Variants in SLC13A3 observed in about 807,000 individuals in gnomAD.
The protein encoded by SLC13A3 is Na(+)/dicarboxylate cotransporter 3.
SLC13A3 carries 40 observed loss-of-function variants against 59.0 expected under a neutral mutation model. The observed-to-expected ratio is 0.68, with a 90% CI of 0.53 to 0.88. The LOEUF (loss-of-function observed/expected upper bound fraction) is 0.88, where lower values mean the gene tolerates loss of function less well. Ranked by LOEUF, SLC13A3 falls within the 40% of genes least tolerant of loss-of-function variation. The pLI, the probability that SLC13A3 is intolerant of heterozygous loss-of-function variation, is 0.00. For synonymous variants in SLC13A3, 317 were observed against 330.3 expected (o/e 0.96, Z 0.44); for missense variants, 699 against 783.2 (o/e 0.89, Z 1.28).
At chr20:46,610,718 A>T (rs2062486372) in intron 2 of SLC13A3, 109 bp from the exon 3 acceptor site, 2 of 918,468 alleles carry the variant, frequency 2.2e-6, no homozygotes, top group Admixed American at 5.6e-5. Flanking sequence ...TTACAGATGG[A>T]AACTTGAGAC....
intron 1 of SLC13A3, among the ~76,000 whole-genome samples, chr20:46,640,052 C>T (rs528067716): frequency 5.8e-4 from 88 of 152,344 alleles, no homozygotes; most frequent in African/African-American, 2.1e-3. Flanking sequence ...TAAAAAAGCT[C>T]ACAAGCATAT....
At chr20:46,638,438 C>T (rs1478844808) in intron 1 of SLC13A3, among the ~76,000 whole-genome samples, 2 of 152,186 alleles carry the variant, frequency 1.3e-5, no homozygotes, top group Non-Finnish European at 2.9e-5. Context: ...CCGTGGGCGG[C>T]GGCGAACAAG....
At chr20:46,608,461 A>G (rs922813806) in intron 3 of SLC13A3, among the ~76,000 whole-genome samples, 19 of 152,230 alleles carry the variant, frequency 1.2e-4, no homozygotes, top group African/African-American at 4.3e-4. Flanking sequence ...AATCCATGCT[A>G]TAAAGCTTCT....
At chr20:46,599,924 C>T in intron 4 of SLC13A3, 47 bp downstream of exon 4, 1 of 1,389,598 alleles carries the variant, frequency 7.2e-7, no homozygotes, top group Non-Finnish European at 9.8e-7. Flanking sequence ...TTCATCATCT[C>T]CTTGAATCAA....
At chr20:46,627,342 G>A (rs749632721) in intron 1 of SLC13A3, among the ~76,000 whole-genome samples, 1 of 152,236 alleles carries the variant, frequency 6.6e-6, no homozygotes, top group Non-Finnish European at 1.5e-5. Flanking sequence ...TTTTAGCAGG[G>A]GATAAAAGTT....
chr20:46,675,317 C>T (rs915267830), intron 1 of SLC13A3, among the ~76,000 whole-genome samples: 1 of 151,830 alleles, frequency 6.6e-6, no homozygotes, highest in Non-Finnish European at 1.5e-5. Context: ...GCAACCTCTG[C>T]CTCCCAGGTT....
chr20:46,632,358 G>C (rs1002022657), intron 1 of SLC13A3, among the ~76,000 whole-genome samples: 1 of 152,130 alleles, frequency 6.6e-6, no homozygotes, highest in Admixed American at 6.5e-5. Flanking sequence ...GACTGGTGTC[G>C]CTTCCTCACT....
At chr20:46,637,714 G>A (rs574824734) in intron 1 of SLC13A3, among the ~76,000 whole-genome samples, 3 of 152,256 alleles carry the variant, frequency 2.0e-5, no homozygotes, top group African/African-American at 4.8e-5. Context: ...AGTTAGGCCC[G>A]ATCAGTATTT....
At chr20:46,631,053 A>G (rs983359399) in intron 1 of SLC13A3, among the ~76,000 whole-genome samples, 2 of 152,242 alleles carry the variant, frequency 1.3e-5, no homozygotes, top group African/African-American at 4.8e-5. Context: ...GATCAATTTC[A>G]TAAAGCTGGG....
At chr20:46,648,647 G>C (rs1257060739) in intron 1 of SLC13A3, among the ~76,000 whole-genome samples, 1 of 152,224 alleles carries the variant, frequency 6.6e-6, no homozygotes, top group Admixed American at 6.5e-5. Context: ...ACTCTTGCCT[G>C]TAATCCCAGC....
chr20:46,654,315 C>CTT (rs925474429), upstream of SLC13A3, among the ~76,000 whole-genome samples: 1 of 152,062 alleles, frequency 6.6e-6, no homozygotes, highest in Non-Finnish European at 1.5e-5. Context: ...ACTTGCATGG[C>CTT]TTTTTTCAGT....
chr20:46,670,366 T>C (rs752712841), upstream of SLC13A3, among the ~76,000 whole-genome samples: 2 of 152,182 alleles, frequency 1.3e-5, no homozygotes, highest in Non-Finnish European at 2.9e-5. Context: ...GTAAGGGATG[T>C]ATTGGTGGCC....
At chr20:46,577,075 A>AAGCCCACAGGTATATGC (rs11268117) in intron 9 of SLC13A3, among the ~76,000 whole-genome samples, 2 of 39,606 alleles carry the variant, frequency 5.0e-5, no homozygotes, top group Non-Finnish European at 1.1e-4. Flanking sequence ...CAGACGTATG[A>AAGCCCACAGGTATATGC]AGCCCACAGA....
intron 1 of SLC13A3, among the ~76,000 whole-genome samples, chr20:46,622,981 C>A (rs547898337): frequency 2.0e-5 from 3 of 152,138 alleles, no homozygotes; most frequent in African/African-American, 7.2e-5. Context: ...AACCTCCCCA[C>A]GAAAAAGCTC....
At chr20:46,593,259 T>C (rs1447262264) in intron 5 of SLC13A3, among the ~76,000 whole-genome samples, 1 of 152,216 alleles carries the variant, frequency 6.6e-6, no homozygotes, top group Non-Finnish European at 1.5e-5. Context: ...TAAAATGCAG[T>C]AAGAGTCTTA....
At position 46,666,431 on chromosome 20, in the gene SLC13A3, TGAAA is replaced by T. The variant is rs1366133517; in HGVS notation, c.-31+3608_-31+3611del. 3.3e-5 allele frequency among the ~76,000 whole-genome samples: 5 copies of T among 152,282 alleles called. No individual in the cohort carries two copies. In the South Asian group the frequency reaches 8.3e-4, roughly 25 times the overall value. On this transcript the variant is annotated intron_variant, in intron 1 of 12. Transcript: ENST00000290317. ...ATTTATTCTTATAACTACTTTTGAC[TGAAA>T]GAGAGTGATTTTTTGTTTTGGTTTT...
At chr20:46,596,478 C>T (rs2062314419) in intron 4 of SLC13A3, 136 bp from the exon 5 acceptor site, 1 of 697,020 alleles carries the variant, frequency 1.4e-6, no homozygotes, top group African/African-American at 1.8e-5. Flanking sequence ...CAAGGTGCAA[C>T]TCTTCAGCTC....
At chr20:46,654,981 C>A (rs1699592690), upstream of SLC13A3, among the ~76,000 whole-genome samples, 1 of 152,284 alleles carries the variant, frequency 6.6e-6, no homozygotes, top group East Asian at 1.9e-4. Flanking sequence ...TTGAGAAATG[C>A]TATGCACCTA....
chr20:46,583,368 G>A lies in SLC13A3; in HGVS notation c.1219+204C>T, dbSNP rs764149102. On this transcript the variant is annotated intron_variant, in intron 9 of 12. Transcript: ENST00000279027. ...ACAGATAGCAGGCTGGATTTGGTCT[G>A]AAGACTGTAGTTGCTAACCCCTGTC... is the stretch of plus-strand genomic sequence containing the variant. The A allele has an allele frequency of 5.3e-6, 7 of 1,316,900 alleles. No homozygotes were observed. The African/African-American group carries it at 8.9e-5, about 17-fold the overall frequency. 81.6% of individuals were successfully genotyped at this position (1,316,900 alleles called of 1,614,324 possible).
Sources: allele counts gnomAD v4.1 joint callset (sites outside exome capture counted in the v4.1 genomes callset), GRCh38; gene constraint gnomAD v4.1.1; transcripts MANE v1.5; gene names NCBI Gene and HGNC (gene_info 2026-07-23, HGNC 2026-07-21).